MOB3A: variants seen among roughly 807,000 people sequenced by gnomAD.
MOB3A encodes MOB LAK.
Under a neutral mutation model 17.8 loss-of-function variants are expected in MOB3A, and 17 were observed. The observed-to-expected ratio is 0.95, with a 90% confidence interval of 0.65 to 1.43. MOB3A has a LOEUF of 1.43. Ranked by LOEUF, MOB3A falls within the 40% of genes most tolerant of loss-of-function variation. The pLI is 0.00. For synonymous variants in MOB3A, 124 were observed against 133.2 expected (o/e 0.93, Z 0.48); for missense variants, 333 against 310.8 (o/e 1.07, Z -0.54).
chr19:2,089,062 A>G (rs2017584624), intron 1 of MOB3A, among the ~76,000 whole-genome samples: 1 of 152,118 alleles, frequency 6.6e-6, no homozygotes, highest in South Asian at 2.1e-4. Flanking sequence ...AACTAACCCT[A>G]CAGGGGTTCA....
intron 2 of MOB3A, among the ~76,000 whole-genome samples, chr19:2,080,307 G>T (rs2017470689): frequency 6.6e-6 from 1 of 152,090 alleles, no homozygotes; most frequent in African/African-American, 2.4e-5. Flanking sequence ...ACATGCCCAG[G>T]CCTCCTGGGC....
intron 2 of MOB3A, among the ~76,000 whole-genome samples, chr19:2,084,656 T>A (rs940964819): frequency 1.3e-5 from 2 of 151,878 alleles, no homozygotes; most frequent in Admixed American, 6.6e-5. Context: ...AGTGGCATGA[T>A]CTTGGCTCAC....
At chr19:2,086,207 A>G (rs1480676861) in intron 1 of MOB3A, among the ~76,000 whole-genome samples, 1 of 150,820 alleles carries the variant, frequency 6.6e-6, no homozygotes, top group Non-Finnish European at 1.5e-5. Flanking sequence ...CGCCCGACTA[A>G]TTTTGTATTT....
At chr19:2,081,701 T>A (rs2017492275) in intron 2 of MOB3A, among the ~76,000 whole-genome samples, 1 of 151,968 alleles carries the variant, frequency 6.6e-6, no homozygotes, top group Non-Finnish European at 1.5e-5. Context: ...CTGACCAACA[T>A]GATGAAACCC....
At position 2,076,868 on chromosome 19, in the gene MOB3A, G is replaced by C. The variant is rs749543358; in HGVS notation, c.567C>G (p.His189Gln). The change falls in exon 4 of 5, where the codon CAC (histidine) becomes CAG (glutamine). Residue 189 changes from histidine to glutamine, a missense_variant. His to Gln is a conservative substitution (Grantham distance 24). Transcript: ENST00000357066. ...SEAHVNTCYK[H>Q]FYYFVKEFGL... ...CGAACTCCTTGACGAAATAGTAGAAGTGCTTGTAGCAGGTGTTCACGTGGG... is the reference window on the plus strand; with the variant it reads ...CGAACTCCTTGACGAAATAGTAGAACTGCTTGTAGCAGGTGTTCACGTGGG... 1 of 1,614,078 alleles carries C rather than the reference G, an allele frequency of 6.2e-7. No homozygotes were observed.
intron 2 of MOB3A, among the ~76,000 whole-genome samples, chr19:2,080,589 C>A (rs1438380878): frequency 6.6e-6 from 1 of 152,136 alleles, no homozygotes; most frequent in Non-Finnish European, 1.5e-5. Context: ...GCTGGCCAGG[C>A]TGGTCTCGAA....
chr19:2,084,549 T>G (rs1448331792), intron 2 of MOB3A, among the ~76,000 whole-genome samples: 3 of 152,020 alleles, frequency 2.0e-5, no homozygotes, highest in Non-Finnish European at 4.4e-5. Context: ...TGAAGAACCT[T>G]GTGGACTGGC....
chr19:2,084,068 G>A (rs1365621871), intron 2 of MOB3A: 1 of 453,266 alleles, frequency 2.2e-6, no homozygotes, highest in Admixed American at 2.4e-5. Context: ...CACCGTGCCT[G>A]GCTGAGGCTT....
chr19:2,078,048 C>T (rs572251034), intron 3 of MOB3A, 92 bp downstream of exon 3: 29 of 1,314,732 alleles, frequency 2.2e-5, no homozygotes, highest in Admixed American at 8.8e-5. Flanking sequence ...CCTCCCAAAG[C>T]GCTGGCATTA....
chr19:2,090,472 T>C (rs2017601014), intron 1 of MOB3A, among the ~76,000 whole-genome samples: 1 of 152,014 alleles, frequency 6.6e-6, no homozygotes, highest in Non-Finnish European at 1.5e-5. Flanking sequence ...GGGGAACTCC[T>C]GGCATGGAGT....
chr19:2,077,483 C>A (rs1282716901), intron 3 of MOB3A, among the ~76,000 whole-genome samples: 1 of 152,108 alleles, frequency 6.6e-6, no homozygotes, highest in Non-Finnish European at 1.5e-5. Flanking sequence ...CTCAAACCCA[C>A]GTTTATGGGG....
At chr19:2,083,773 T>C (rs2017519054) in intron 2 of MOB3A, among the ~76,000 whole-genome samples, 1 of 152,200 alleles carries the variant, frequency 6.6e-6, no homozygotes, top group Non-Finnish European at 1.5e-5. Context: ...GGGCCTCCCA[T>C]GCCAATTTGG....
intron 1 of MOB3A, among the ~76,000 whole-genome samples, chr19:2,089,112 G>A (rs1000231388): frequency 1.3e-5 from 2 of 152,178 alleles, no homozygotes; most frequent in Admixed American, 6.6e-5. Flanking sequence ...GGCTGAAAGC[G>A]AATGCTCTCA....
At chr19:2,086,363 T>G (rs1216992558) in intron 1 of MOB3A, among the ~76,000 whole-genome samples, 4 of 148,994 alleles carry the variant, frequency 2.7e-5, no homozygotes, top group Non-Finnish European at 4.5e-5. Context: ...TTTTACTTTT[T>G]TATTTTTATT....
At chr19:2,091,814 T>C (rs2017617055) in intron 1 of MOB3A, among the ~76,000 whole-genome samples, 1 of 151,008 alleles carries the variant, frequency 6.6e-6, no homozygotes, top group South Asian at 2.1e-4. Flanking sequence ...CTGGCCGAGA[T>C]GGTGAAACCC....
intron 1 of MOB3A, among the ~76,000 whole-genome samples, chr19:2,095,021 A>G (rs1254998247): frequency 6.6e-6 from 1 of 152,118 alleles, no homozygotes; most frequent in Non-Finnish European, 1.5e-5. Flanking sequence ...AAGTACAAAA[A>G]TTAACTGGGT....
chr19:2,073,512 G>C, intron 4 of MOB3A, 88 bp from the exon 5 acceptor site: 27 of 1,570,126 alleles, frequency 1.7e-5, no homozygotes, highest in Non-Finnish European at 2.2e-5. Context: ...CGCACAGGCA[G>C]AGAAACGGCA....
chr19:2,096,512 C>T (rs183796180), upstream of MOB3A: 1,950 of 174,304 alleles, frequency 0.011, 44 homozygotes, highest in African/African-American at 0.043. Flanking sequence ...CCCTGGGATG[C>T]CCTGAGCCGG....
chr19:2,078,272 A>G lies in MOB3A; in HGVS notation c.289T>C (p.Tyr97His), dbSNP rs1361554017. 2 of 1,614,044 alleles carry G rather than the reference A, an allele frequency of 1.2e-6. No homozygotes were observed. Among genetic ancestry groups the G allele is most frequent in the East Asian group, 2.2e-5 (1 of 44,874 alleles). The change falls in exon 3 of 5, where the codon TAT becomes CAT. Residue 97 changes from tyrosine (Y) to histidine (H), a missense_variant. Coordinates refer to ENST00000357066, the MANE Select transcript of MOB3A (RefSeq NM_130807.3). ...SCPVMSGGPK[Y>H]EYRWQDEHKF... ...TGCTCATCCTGCCAGCGGTACTCAT[A>G]CTTGGGGCCCCCCGACATGACGGGG...
Sources: gnomAD v4.1 joint callset for allele counts (sites outside exome capture counted in the v4.1 genomes callset) on GRCh38, gnomAD v4.1.1 for gene constraint, MANE v1.5 for transcripts, NCBI Gene and HGNC (gene_info 2026-07-23, HGNC 2026-07-21) for gene names.